Variants in TARS1 observed in about 807,000 individuals in gnomAD.
The protein encoded by TARS1 is threonyl-tRNA synthetase 1.
A neutral mutation model predicts 97.7 loss-of-function variants in TARS1; 57 were observed. The ratio of observed to expected loss-of-function variants is 0.58; its 90% CI spans 0.47 to 0.73. The LOEUF is 0.73. Ranked by LOEUF, TARS1 falls within the 30% of genes least tolerant of loss-of-function variation. TARS1 has a pLI of 0.00. For missense variants in TARS1, 806 were observed against 888.3 expected, an observed-to-expected ratio of 0.91 and a Z score of 1.18; for synonymous variants, 312 against 293.7, an observed-to-expected ratio of 1.06 and a Z score of -0.64.
intron 17 of TARS1, among the ~76,000 whole-genome samples, chr5:33,464,464 C>T (rs1742440365): frequency 6.6e-6 from 1 of 152,186 alleles, no homozygotes; most frequent in Non-Finnish European, 1.5e-5. Flanking sequence ...TATAGCCATT[C>T]ATAACTTCAC....
chr5:33,442,746 C>A, intron 1 of TARS1, among the ~76,000 whole-genome samples: 2 of 149,434 alleles, frequency 1.3e-5, no homozygotes, highest in South Asian at 4.2e-4. Flanking sequence ...CCTCGTGATC[C>A]GCCCGTCTCG....
rs770064117 is a variant in TARS1, at chr5:33,463,826, G to T, written c.1908+1G>T. 1.9e-6 allele frequency: 3 copies of T among 1,609,124 alleles called. No individual in the cohort carries two copies. Among genetic ancestry groups the T allele is most frequent in the Non-Finnish European group, 1.7e-6 (2 of 1,177,042 alleles). On this transcript the variant is annotated splice_donor_variant, in intron 17 of 18. Coordinates refer to ENST00000265112, the MANE Select transcript of TARS1 (RefSeq NM_152295.5). LOFTEE classifies it high-confidence loss of function. Reference sequence around the variant, plus strand: ...AACCTGTGATGAATATGCCCAAAAGGTAAGCCTTAGATATGAATTTTCTTT... The same window carrying T: ...AACCTGTGATGAATATGCCCAAAAGTTAAGCCTTAGATATGAATTTTCTTT...
intron 3 of TARS1, 95 bp from the exon 4 acceptor site, chr5:33,453,193 AT>A (rs1561072222): frequency 1.4e-5 from 18 of 1,299,688 alleles, no homozygotes; most frequent in Non-Finnish European, 1.7e-5. Context: ...TAAAAAAACA[AT>A]ATATAATAAA....
At position 33,440,997 on chromosome 5, in the gene TARS1, C is replaced by T. The variant is rs1221714096; in HGVS notation, c.-90C>T. 1.3e-6 allele frequency: 2 copies of T among 1,547,658 alleles called. No individual in the cohort carries two copies. Among genetic ancestry groups the T allele is most frequent in the South Asian group, 1.1e-5 (1 of 88,010 alleles). On this transcript the variant is annotated 5_prime_UTR_variant, in exon 1 of 19. Coordinates refer to ENST00000265112, the MANE Select transcript of TARS1 (RefSeq NM_152295.5). ...TCAGCTGGTCCAGCCGAGGCCAAGT[C>T]CCGGGCGCTAGCCCACCTCCCACCC...
At chr5:33,446,497 C>G in intron 2 of TARS1, 1 of 437,692 alleles carries the variant, frequency 2.3e-6, no homozygotes, top group South Asian at 1.6e-5. Context: ...TTAGAAGACT[C>G]TTCTGAACAG....
At chr5:33,453,573 A>G (rs1294395427) in intron 4 of TARS1, among the ~76,000 whole-genome samples, 161 bp downstream of exon 4, 1 of 152,144 alleles carries the variant, frequency 6.6e-6, no homozygotes, top group Non-Finnish European at 1.5e-5. Flanking sequence ...ACATAATAAA[A>G]GTGCTTGCCT....
rs747981400 is a variant in TARS1, at chr5:33,467,610, G to A, written c.2074G>A (p.Asp692Asn). Residue 692 changes from aspartate (D) to asparagine (N), a missense_variant, in exon 19 of 19, where the codon GAC (aspartate) becomes AAC (asparagine). By Grantham distance (23) the Asp-to-Asn change is conservative (BLOSUM62 1). Around this residue, in one of 3 missense-constraint regions of TARS1, gnomAD observed 446 missense variants for 511.0 expected, o/e 0.87. Transcript: ENST00000265112. ...TGGCACTGTTAATATCCGCACAAGA[G>A]ACAATAAGGTCCACGGGGAACGCAC... The part of the protein sequence containing the change: ...ISGTVNIRTR[D>N]NKVHGERTIS... The A allele has an allele frequency of 6.2e-7, 1 of 1,613,948 alleles. No homozygotes were observed. The highest frequency in any genetic ancestry group is 1.1e-5 in the South Asian group (1 of 91,056).
chr5:33,453,396 A>G lies in TARS1; in HGVS notation c.437A>G (p.Asp146Gly). ...ACCTTGGAGCTTCTCAAGTTTGAGG[A>G]TGAGGAAGCTCAGGCAGTAAGTTGC... is the stretch of plus-strand genomic sequence containing the variant. The part of the protein sequence containing the change: ...DCTLELLKFE[D>G]EEAQAVYWHS... The change falls in exon 4 of 19, where the codon GAT becomes GGT. Residue 146 changes from aspartate to glycine, a missense_variant. Transcript: ENST00000265112. 1 of 1,613,112 alleles carries G rather than the reference A, an allele frequency of 6.2e-7. No individual in the cohort carries two copies. Among genetic ancestry groups the G allele is most frequent in the Non-Finnish European group, 8.5e-7 (1 of 1,179,840 alleles).
upstream of TARS1, chr5:33,440,720 A>C (rs1221629630): frequency 9.1e-6 from 4 of 441,536 alleles, no homozygotes; most frequent in East Asian, 6.6e-5. Flanking sequence ...TAAAGTCAGA[A>C]GGGAGGAAAG....
intron 18 of TARS1, 30 bp from the exon 19 acceptor site, chr5:33,467,530 G>A (rs529219899): frequency 1.2e-6 from 2 of 1,601,162 alleles, no homozygotes; most frequent in East Asian, 4.5e-5. Context: ...TTTAGATTAA[G>A]TCTGACAAAG....
At chr5:33,460,429 C>T (rs916633482) in intron 11 of TARS1, among the ~76,000 whole-genome samples, 1 of 152,222 alleles carries the variant, frequency 6.6e-6, no homozygotes, top group African/African-American at 2.4e-5. Flanking sequence ...GCTAATGACT[C>T]AGCATTCTTG....
At chr5:33,464,411 A>G (rs559945226) in intron 17 of TARS1, among the ~76,000 whole-genome samples, 1 of 152,316 alleles carries the variant, frequency 6.6e-6, no homozygotes, top group South Asian at 2.1e-4. Flanking sequence ...TAGCAGACCA[A>G]TGTCTTGCCT....
intron 1 of TARS1, chr5:33,441,740 C>A (rs3849683): frequency 0.2 from 30,259 of 152,388 alleles, 3,696 homozygotes; most frequent in African/African-American, 0.34. Context: ...AGGAAAACAG[C>A]CCTAGTGCTT....
At chr5:33,449,445 CTTTTTTTTT>C (rs57691465) in intron 3 of TARS1, among the ~76,000 whole-genome samples, 3 of 69,146 alleles carry the variant, frequency 4.3e-5, no homozygotes, top group Admixed American at 2.1e-4. Context: ...TTTTTTCTTT[CTTTTTTTTT>C]TTTTTTTTTT....
At chr5:33,450,028 A>G (rs1321776927) in intron 3 of TARS1, among the ~76,000 whole-genome samples, 1 of 152,132 alleles carries the variant, frequency 6.6e-6, no homozygotes, top group African/African-American at 2.4e-5. Flanking sequence ...TTATCTTAAC[A>G]CATACGAGAA....
rs1302882792 is a variant in TARS1 at position 33,440,987 on chromosome 5, G to C, written c.-100G>C. 7 of 1,494,928 alleles carry C rather than the reference G, an allele frequency of 4.7e-6. No homozygotes were observed. Among genetic ancestry groups the C allele is most frequent in the Non-Finnish European group, 6.5e-6 (7 of 1,082,602 alleles). 92.6% of individuals were successfully genotyped at this position (1,494,928 alleles called of 1,614,324 possible). On this transcript the variant is annotated 5_prime_UTR_variant, in exon 1 of 19. Coordinates refer to ENST00000265112, the MANE Select transcript of TARS1 (RefSeq NM_152295.5). Reference sequence around the variant, plus strand: ...TTCGATTGCATCAGCTGGTCCAGCCGAGGCCAAGTCCCGGGCGCTAGCCCA... The same window carrying C: ...TTCGATTGCATCAGCTGGTCCAGCCCAGGCCAAGTCCCGGGCGCTAGCCCA...
At chr5:33,463,665 G>T in intron 16 of TARS1, 88 bp from the exon 17 acceptor site, 1 of 1,152,390 alleles carries the variant, frequency 8.7e-7, no homozygotes. Flanking sequence ...TCCAGGAAAA[G>T]ATACTGAAGA....
rs1277088937 is a variant in TARS1, at chr5:33,451,609, G to A, written c.330-1680G>A. Reference sequence around the variant, plus strand: ...AGGATGGTCTTGATCTCCTGACCTCGTGATCCACCCGCCTCGGCCTCCCAA... The same window carrying A: ...AGGATGGTCTTGATCTCCTGACCTCATGATCCACCCGCCTCGGCCTCCCAA... On this transcript the variant is annotated intron_variant, in intron 3 of 18. Coordinates refer to ENST00000265112, the MANE Select transcript of TARS1 (RefSeq NM_152295.5). Among the ~76,000 whole-genome samples, 10 of 152,142 alleles carry A rather than the reference G, an allele frequency of 6.6e-5. No individual in the cohort carries two copies. The East Asian group carries it at 1.9e-3, about 29-fold the overall frequency.
At chr5:33,452,248 C>G in intron 3 of TARS1, 1 of 975,282 alleles carries the variant, frequency 1.0e-6, no homozygotes, top group Non-Finnish European at 1.6e-6. Context: ...TGTTGCCTAC[C>G]TTCGTTGAGA....
Sources: allele counts gnomAD v4.1 joint callset (sites outside exome capture counted in the v4.1 genomes callset), GRCh38; gene constraint gnomAD v4.1.1; regional missense constraint gnomAD v4.1.1; transcripts MANE v1.5; gene names NCBI Gene and HGNC (gene_info 2026-07-23, HGNC 2026-07-21).